The following XRN1 variants were observed in gnomAD, a reference collection of about 807,000 sequenced individuals.
XRN1 encodes strand-exchange protein 1 homolog.
In XRN1, 67 loss-of-function variants were observed where a neutral mutation model predicts 222.3. The observed-to-expected ratio is 0.30, with a 90% CI of 0.25 to 0.37. The LOEUF (loss-of-function observed/expected upper bound fraction) is 0.37, where lower values mean the gene tolerates loss of function less well. Among genes scored for constraint, XRN1 ranks in the 10% least tolerant of loss-of-function variants. XRN1 has a pLI of 1.00. For synonymous variants in XRN1, 643 were observed against 652.4 expected (o/e 0.99, Z 0.22); for missense variants, 1,707 against 2,000.2 (o/e 0.85, Z 2.80).
At chr3:142,356,424 TTAAA>T (rs1384016293) in intron 31 of XRN1, among the ~76,000 whole-genome samples, 8 of 152,172 alleles carry the variant, frequency 5.3e-5, no homozygotes, top group Non-Finnish European at 1.2e-4. Flanking sequence ...GGTCATGGAA[TTAAA>T]TAAAGTGTCT....
intron 23 of XRN1, among the ~76,000 whole-genome samples, chr3:142,379,261 ACT>A (rs1270028187): frequency 6.6e-6 from 1 of 152,130 alleles, no homozygotes; most frequent in Non-Finnish European, 1.5e-5. Flanking sequence ...ACAGAGCGAA[ACT>A]CTGTCTCACA....
chr3:142,421,340 T>C (rs2069024412), intron 9 of XRN1, 136 bp downstream of exon 9: 1 of 932,784 alleles, frequency 1.1e-6, no homozygotes, highest in Non-Finnish European at 1.5e-6. Flanking sequence ...ATAAAATTAA[T>C]TTAGGTAAAA....
At chr3:142,394,654 G>A (rs886762386) in intron 20 of XRN1, among the ~76,000 whole-genome samples, 5 of 152,170 alleles carry the variant, frequency 3.3e-5, no homozygotes, top group African/African-American at 4.8e-5. Flanking sequence ...TAAAACAGAG[G>A]AGCTATCTCA....
chr3:142,359,838 C>A (rs746606187), intron 30 of XRN1, 24 bp downstream of exon 30: 2 of 1,524,158 alleles, frequency 1.3e-6, no homozygotes, highest in South Asian at 2.4e-5. Context: ...TCACAAAGGG[C>A]AATTATCATT....
intron 37 of XRN1, among the ~76,000 whole-genome samples, chr3:142,320,232 A>G (rs1447061499): frequency 1.3e-5 from 2 of 152,142 alleles, no homozygotes; most frequent in Non-Finnish European, 2.9e-5. Context: ...CCTTGCCAAA[A>G]TCTGTTTTTT....
chr3:142,373,164 G>A (rs1201348449), intron 25 of XRN1, among the ~76,000 whole-genome samples: 2 of 151,980 alleles, frequency 1.3e-5, no homozygotes, highest in Non-Finnish European at 2.9e-5. Flanking sequence ...AATAAATGAA[G>A]ATATTCCATT....
At chr3:142,311,891 C>A in intron 40 of XRN1, 78 bp from the exon 41 acceptor site, 1 of 1,394,470 alleles carries the variant, frequency 7.2e-7, no homozygotes, top group Non-Finnish European at 9.7e-7. Context: ...ATAAACCATG[C>A]ATGCTGTTAA....
chr3:142,436,665 C>A (rs1284888954), intron 1 of XRN1, among the ~76,000 whole-genome samples: 1 of 152,040 alleles, frequency 6.6e-6, no homozygotes, highest in Non-Finnish European at 1.5e-5. Flanking sequence ...GATGGTACAT[C>A]CATACAATGG....
At chr3:142,378,021 C>T (rs1553729793) in intron 23 of XRN1, among the ~76,000 whole-genome samples, 2 of 151,992 alleles carry the variant, frequency 1.3e-5, no homozygotes, top group Non-Finnish European at 1.5e-5. Context: ...ATACATAATG[C>T]CTTAAATTCA....
chr3:142,311,925 GTGACT>G, intron 40 of XRN1, 112 bp from the exon 41 acceptor site: 1 of 1,075,880 alleles, frequency 9.3e-7, no homozygotes, highest in Non-Finnish European at 1.3e-6. Context: ...CAGCTGATCT[GTGACT>G]TCCACTTATA....
intron 1 of XRN1, among the ~76,000 whole-genome samples, chr3:142,441,862 T>C (rs1007146392): frequency 1.3e-5 from 2 of 152,214 alleles, no homozygotes; most frequent in African/African-American, 4.8e-5. Flanking sequence ...TTTCAGAGGT[T>C]CCCTTGACGG....
At position 142,342,660 on chromosome 3, in the gene XRN1, G is replaced by C. The variant is rs74378226; in HGVS notation, c.3877+4574C>G. 6.8e-3 allele frequency among the ~76,000 whole-genome samples: 1,028 copies of C among 152,116 alleles called. 15 individuals are homozygous for C. The highest frequency in any genetic ancestry group is 0.023 in the African/African-American group (975 of 41,512). On this transcript the variant is annotated intron_variant, in intron 33 of 40. Transcript: ENST00000392981. Reference sequence around the variant, plus strand: ...TCCACACATCTCATTTTTGACAAAGGCACCAAGAACATACATTGGGGAGAG... The same window carrying C: ...TCCACACATCTCATTTTTGACAAAGCCACCAAGAACATACATTGGGGAGAG...
chr3:142,356,794 C>T, intron 31 of XRN1, 118 bp downstream of exon 31: 1 of 1,149,828 alleles, frequency 8.7e-7, no homozygotes, highest in Non-Finnish European at 1.2e-6. Context: ...TGACCTGAGC[C>T]AAAACTTTTT....
intron 39 of XRN1, among the ~76,000 whole-genome samples, chr3:142,316,631 T>C (rs1260364513): frequency 6.6e-6 from 1 of 152,202 alleles, no homozygotes; most frequent in Non-Finnish European, 1.5e-5. Context: ...ACTAGTCACT[T>C]TCTAGACCCA....
chr3:142,404,920 G>C lies in XRN1; in HGVS notation c.1870C>G (p.Arg624Gly). The C allele has an allele frequency of 6.2e-7, 1 of 1,613,856 alleles. No homozygotes were observed. The highest frequency in any genetic ancestry group is 8.5e-7 in the Non-Finnish European group (1 of 1,179,866). ...AAGTAACATTACCTTGTACAACATC[G>C]TTCTATGGCAGGGAACTTTTCTGGC... Reference protein sequence around the residue: ...PWPEKFPAIERCCTRYKIISL... With the variant: ...PWPEKFPAIEGCCTRYKIISL... Residue 624 changes from arginine (R) to glycine (G), a missense_variant, in exon 16 of 41, where the codon CGA (arginine) becomes GGA (glycine). Coordinates refer to ENST00000392981, the MANE Select transcript of XRN1 (RefSeq NM_001282857.2).
intron 20 of XRN1, among the ~76,000 whole-genome samples, chr3:142,385,670 C>T (rs1309348048): frequency 2.6e-5 from 4 of 152,114 alleles, no homozygotes; most frequent in African/African-American, 9.7e-5. Context: ...GCTGACCTTT[C>T]ATCTAAATAT....
intron 20 of XRN1, among the ~76,000 whole-genome samples, chr3:142,388,412 T>C (rs2067589889): frequency 6.6e-6 from 1 of 152,252 alleles, no homozygotes; most frequent in Non-Finnish European, 1.5e-5. Context: ...AGTAGGCTTT[T>C]AGCAGTTAAG....
In XRN1 at chr3:142,333,071, T is replaced by A. The variant is rs775573941; in HGVS notation, c.3958A>T (p.Asn1320Tyr). The change falls in exon 35 of 41, where the codon AAC (asparagine) becomes TAC (tyrosine). Residue 1320 changes from asparagine to tyrosine, a missense_variant. Asn to Tyr is a moderately radical substitution (Grantham distance 143). Coordinates refer to ENST00000392981, the MANE Select transcript of XRN1 (RefSeq NM_001282857.2). ...GAGATATTCAAAGATGCTAAAAAGT[T>A]CTCAATTCCAGAGTTAGGCTAAAAG... ...SNKQPNSGIE[N>Y]FLASLNISKE... is the part of the protein sequence containing the mutation. 9 of 1,612,736 alleles carry A rather than the reference T, an allele frequency of 5.6e-6. No homozygotes were observed. The highest frequency in any genetic ancestry group is 6.8e-6 in the Non-Finnish European group (8 of 1,179,338).
In XRN1 at chr3:142,414,407, A is replaced by T. The variant is rs182695330; in HGVS notation, c.1437-116T>A. On this transcript the variant is annotated intron_variant, in intron 13 of 40. Coordinates refer to ENST00000392981, the MANE Select transcript of XRN1 (RefSeq NM_001282857.2). ...ATAAAAATAATTTTAAAAAATTAGT[A>T]CTGCCCATAATTCTACTATCTGAAT... 8.4e-5 allele frequency: 65 copies of T among 777,280 alleles called. No individual in the cohort carries two copies. In the African/African-American group the frequency reaches 9.2e-4, roughly 11 times the overall value. 48.1% of individuals were successfully genotyped at this position (777,280 alleles called of 1,614,324 possible).
Sources: gnomAD v4.1 joint callset for allele counts (sites outside exome capture counted in the v4.1 genomes callset) on GRCh38, gnomAD v4.1.1 for gene constraint, MANE v1.5 for transcripts, NCBI Gene and HGNC (gene_info 2026-07-23, HGNC 2026-07-21) for gene names.